The following RGS17 variants were observed in gnomAD, a reference collection of about 807,000 sequenced individuals.
RGS17 encodes regulator of G-protein signaling 17.
A neutral mutation model predicts 25.5 loss-of-function variants in RGS17; 12 were observed. The observed-to-expected ratio is 0.47, with a 90% confidence interval of 0.30 to 0.76. The LOEUF (loss-of-function observed/expected upper bound fraction) is 0.76. Ranked by LOEUF, RGS17 falls within the 30% of genes least tolerant of loss-of-function variation. The probability of loss-of-function intolerance (pLI) is 0.07; values close to 1 mark genes in which losing one functional copy is unlikely to be tolerated. For synonymous variants in RGS17, 71 were observed against 76.9 expected, an observed-to-expected ratio of 0.92 and a Z score of 0.40; for missense variants, 196 against 242.2, an observed-to-expected ratio of 0.81 and a Z score of 1.27.
intron 2 of RGS17, among the ~76,000 whole-genome samples, chr6:153,029,683 C>T (rs189147315): frequency 2.0e-5 from 3 of 152,004 alleles, no homozygotes; most frequent in East Asian, 1.9e-4. Flanking sequence ...CTCCGCCTCC[C>T]GGGTTCAAGT....
chr6:153,047,932 A>G (rs1370624775), intron 1 of RGS17, among the ~76,000 whole-genome samples: 1 of 152,060 alleles, frequency 6.6e-6, no homozygotes, highest in Admixed American at 6.6e-5. Context: ...TTTGCAGTCT[A>G]CTTTCTTGTT....
intron 1 of RGS17, among the ~76,000 whole-genome samples, chr6:153,064,409 T>A (rs1776679149): frequency 6.6e-6 from 1 of 152,102 alleles, no homozygotes; most frequent in Admixed American, 6.5e-5. Context: ...GGCAGGTGGA[T>A]CATGAGGTGA....
At chr6:153,090,846 AC>A (rs1247085479) in intron 1 of RGS17, among the ~76,000 whole-genome samples, 1 of 128,924 alleles carries the variant, frequency 7.8e-6, no homozygotes, top group Non-Finnish European at 1.6e-5. Flanking sequence ...CAGTAAAAAA[AC>A]ATAGTATATA....
At chr6:153,054,288 T>C (rs1358344496) in intron 1 of RGS17, among the ~76,000 whole-genome samples, 1 of 151,108 alleles carries the variant, frequency 6.6e-6, no homozygotes, top group Non-Finnish European at 1.5e-5. Flanking sequence ...TATCCATTTA[T>C]TCACAAAATC....
intron 1 of RGS17, among the ~76,000 whole-genome samples, chr6:153,095,910 A>C (rs1315934230): frequency 6.6e-6 from 1 of 152,230 alleles, no homozygotes; most frequent in Non-Finnish European, 1.5e-5. Flanking sequence ...TATAATACAC[A>C]ACCAATTAAC....
chr6:153,044,446 G>A (rs1479545118), intron 1 of RGS17, among the ~76,000 whole-genome samples: 1 of 152,146 alleles, frequency 6.6e-6, no homozygotes, highest in Non-Finnish European at 1.5e-5. Flanking sequence ...TTTACAGTAA[G>A]GTAAATTGAG....
At chr6:153,092,619 A>G (rs998157756) in intron 1 of RGS17, among the ~76,000 whole-genome samples, 1 of 152,236 alleles carries the variant, frequency 6.6e-6, no homozygotes, top group Admixed American at 6.5e-5. Flanking sequence ...CCACAAAACT[A>G]AAGTGGCACA....
At chr6:153,059,139 C>G (rs1429277901) in intron 1 of RGS17, among the ~76,000 whole-genome samples, 1 of 151,922 alleles carries the variant, frequency 6.6e-6, no homozygotes, top group Non-Finnish European at 1.5e-5. Flanking sequence ...TCTTCATGTT[C>G]ATAACATTTA....
intron 1 of RGS17, among the ~76,000 whole-genome samples, chr6:153,116,987 T>C (rs1256175298): frequency 6.6e-6 from 1 of 152,108 alleles, no homozygotes; most frequent in Non-Finnish European, 1.5e-5. Flanking sequence ...AAGGGGTTGA[T>C]GGGTGCCACA....
At chr6:153,127,405 T>C (rs966097791) in intron 1 of RGS17, among the ~76,000 whole-genome samples, 2 of 152,226 alleles carry the variant, frequency 1.3e-5, no homozygotes, top group African/African-American at 4.8e-5. Flanking sequence ...GAGATAATTA[T>C]AAGCACTCAG....
intron 1 of RGS17, among the ~76,000 whole-genome samples, chr6:153,092,823 C>A (rs760599295): frequency 3.3e-5 from 5 of 152,134 alleles, no homozygotes; most frequent in Admixed American, 2.6e-4. Flanking sequence ...CCAGCTACCC[C>A]CTAAGGAACA....
At chr6:153,108,740 C>T (rs773844645) in intron 1 of RGS17, among the ~76,000 whole-genome samples, 3 of 83,506 alleles carry the variant, frequency 3.6e-5, no homozygotes, top group South Asian at 1.1e-3. Context: ...ACAGCCACTA[C>T]GCCTCTGGTA....
At chr6:153,124,830 C>A (rs9371676) in intron 1 of RGS17, among the ~76,000 whole-genome samples, 52,255 of 151,950 alleles carry the variant, frequency 0.34, 9,507 homozygotes, top group East Asian at 0.67. Context: ...TTTGATTAAT[C>A]AAATCCTGAA....
At chr6:153,127,813 A>G (rs1777724690) in intron 1 of RGS17, among the ~76,000 whole-genome samples, 1 of 152,226 alleles carries the variant, frequency 6.6e-6, no homozygotes, top group South Asian at 2.1e-4. Context: ...CAACTAGTGT[A>G]CTTGGTAAAC....
chr6:153,034,433 C>A (rs974014892), intron 2 of RGS17, among the ~76,000 whole-genome samples: 10 of 152,148 alleles, frequency 6.6e-5, no homozygotes, highest in Non-Finnish European at 1.5e-4. Flanking sequence ...GCAAACAGAA[C>A]CTTGCCAAGC....
Position 153,026,513 on chromosome 6 carries a change from T to A in RGS17, c.150A>T (p.Glu50Asp). Residue 50 changes from glutamate (E) to aspartate (D), a missense_variant, in exon 3 of 5, where the codon GAA becomes GAT. By Grantham distance (45) the Glu-to-Asp change is conservative. Around this residue, in one of 2 missense-constraint regions of RGS17, gnomAD observed 179 missense variants for 197.6 expected, o/e 0.91. Transcript: ENST00000206262. ...TAGTGTGTGTGGGTCTTCCCGCATT[T>A]TCCCCTCTTTCTTCATTCCTCACAG... ...CLTVRNEERG[E>D]NAGRPTHTTK... 1 of 1,613,602 alleles carries A rather than the reference T, an allele frequency of 6.2e-7. No homozygotes were observed.
At chr6:153,083,069 G>C (rs908363588) in intron 1 of RGS17, among the ~76,000 whole-genome samples, 1 of 152,104 alleles carries the variant, frequency 6.6e-6, no homozygotes, top group Non-Finnish European at 1.5e-5. Context: ...TGGCTTTGTA[G>C]AATTTCACTT....
chr6:153,108,358 A>T (rs1777415758), intron 1 of RGS17, among the ~76,000 whole-genome samples: 1 of 152,192 alleles, frequency 6.6e-6, no homozygotes, highest in Non-Finnish European at 1.5e-5. Flanking sequence ...ATTATGCTCT[A>T]AATTCTCAGA....
intron 1 of RGS17, among the ~76,000 whole-genome samples, chr6:153,105,924 C>G (rs1247297282): frequency 6.6e-6 from 1 of 152,088 alleles, no homozygotes; most frequent in African/African-American, 2.4e-5. Flanking sequence ...CTCATGTGAA[C>G]ACTTTGGCAC....
Sources: gnomAD v4.1 joint callset for allele counts (sites outside exome capture counted in the v4.1 genomes callset) on GRCh38, gnomAD v4.1.1 for gene constraint, gnomAD v4.1.1 regional missense constraint, MANE v1.5 for transcripts, NCBI Gene and HGNC (gene_info 2026-07-23, HGNC 2026-07-21) for gene names.